Variants in DNAAF5 observed in about 807,000 individuals in gnomAD.
DNAAF5 encodes the protein dynein axonemal assembly factor 5, also known as HEAT repeat containing 2.
A neutral mutation model predicts 75.8 loss-of-function variants in DNAAF5; 64 were observed. That is an observed-to-expected ratio of 0.84 (90% CI 0.69 to 1.04). DNAAF5 has a LOEUF of 1.04. Among genes scored for constraint, DNAAF5 ranks in the 50% least tolerant of loss-of-function variants. DNAAF5 has a pLI of 0.00. For missense variants in DNAAF5, 1,269 were observed against 1,178.5 expected, an observed-to-expected ratio of 1.08 and a Z score of -1.12; for synonymous variants, 657 against 557.2, an observed-to-expected ratio of 1.18 and a Z score of -2.52.
chr7:740,952 G>A lies in DNAAF5; in HGVS notation c.905+9G>A. 6.2e-7 allele frequency: 1 copy of A among 1,611,588 alleles called. No individual in the cohort carries two copies. The highest frequency in any genetic ancestry group is 1.1e-5 in the South Asian group (1 of 91,064). On this transcript the variant is annotated intron_variant, in intron 3 of 12. Coordinates refer to ENST00000297440, the MANE Select transcript of DNAAF5 (RefSeq NM_017802.4). ...GAGGTGCCTGAGGTCAGGTACGTGG[G>A]CAGGCGGCCGCGGGCCTTGTCTTCC... is the stretch of plus-strand genomic sequence containing the variant.
chr7:775,373 C>G lies in DNAAF5; in HGVS notation c.2239+211C>G, dbSNP rs73258290. On this transcript the variant is annotated intron_variant, in intron 11 of 12. Transcript: ENST00000297440. ...CAGCCTGGGCAACATAGCCATACCCCGATCTCAACAAAAAATTTAAAAATT... is the reference window on the plus strand; with the variant it reads ...CAGCCTGGGCAACATAGCCATACCCGGATCTCAACAAAAAATTTAAAAATT... 1.4e-3 allele frequency among the ~76,000 whole-genome samples: 208 copies of G among 151,966 alleles called. 1 individual carries two copies. Among genetic ancestry groups the G allele is most frequent in the African/African-American group, 4.6e-3 (189 of 41,420 alleles).
At chr7:736,727 TTAC>T (rs1237278727) in intron 2 of DNAAF5, among the ~76,000 whole-genome samples, 1 of 152,198 alleles carries the variant, frequency 6.6e-6, no homozygotes, top group Non-Finnish European at 1.5e-5. Context: ...AAGTAAGGAC[TTAC>T]TCCTGCCGTT....
intron 8 of DNAAF5, among the ~76,000 whole-genome samples, chr7:767,329 G>A (rs926789256): frequency 6.6e-6 from 1 of 152,094 alleles, no homozygotes; most frequent in African/African-American, 2.4e-5. Context: ...TGAGCTGGGA[G>A]TGCCAAGGTG....
At chr7:759,790 C>G (rs1468831647) in intron 6 of DNAAF5, among the ~76,000 whole-genome samples, 1 of 152,100 alleles carries the variant, frequency 6.6e-6, no homozygotes, top group Non-Finnish European at 1.5e-5. Flanking sequence ...CCTGTTTGTT[C>G]CTGTGCTTGG....
At chr7:743,908 A>T (rs1318871621) in intron 4 of DNAAF5, among the ~76,000 whole-genome samples, 1 of 148,932 alleles carries the variant, frequency 6.7e-6, no homozygotes, top group African/African-American at 2.5e-5. Flanking sequence ...TTCTTTTTTT[A>T]TTTTTTTATT....
At chr7:734,280 C>T (rs901530704) in intron 2 of DNAAF5, among the ~76,000 whole-genome samples, 19 of 152,192 alleles carry the variant, frequency 1.2e-4, no homozygotes, top group African/African-American at 4.3e-4. Flanking sequence ...CCTTCTATAC[C>T]CAGTTTTTTG....
At chr7:767,987 G>A (rs1363644087) in intron 8 of DNAAF5, among the ~76,000 whole-genome samples, 1 of 151,302 alleles carries the variant, frequency 6.6e-6, no homozygotes, top group Non-Finnish European at 1.5e-5. Flanking sequence ...TGCTTGGAAG[G>A]TAGACACGTG....
intron 12 of DNAAF5, among the ~76,000 whole-genome samples, chr7:783,244 C>T (rs541291965): frequency 1.3e-5 from 2 of 152,378 alleles, no homozygotes; most frequent in East Asian, 1.9e-4. Flanking sequence ...TGCTGCACGA[C>T]CCTGGTCCTC....
intron 6 of DNAAF5, among the ~76,000 whole-genome samples, chr7:758,375 T>G (rs550589229): frequency 6.6e-6 from 1 of 152,352 alleles, no homozygotes; most frequent in African/African-American, 2.4e-5. Context: ...CCCACAGTTG[T>G]GCATTTGGCT....
chr7:745,289 C>G (rs1013178542), intron 4 of DNAAF5, among the ~76,000 whole-genome samples: 1 of 152,242 alleles, frequency 6.6e-6, no homozygotes, highest in Admixed American at 6.5e-5. Flanking sequence ...ATGGCAGTCC[C>G]CAAGACCCAG....
intron 11 of DNAAF5, among the ~76,000 whole-genome samples, 183 bp downstream of exon 11, chr7:775,345 G>C (rs985981730): frequency 2.0e-5 from 3 of 152,074 alleles, no homozygotes; most frequent in African/African-American, 7.2e-5. Flanking sequence ...AGGAATTTGA[G>C]ACCAGCCTGG....
In DNAAF5 at chr7:761,856, C is replaced by A; in HGVS notation, c.1574C>A (p.Thr525Lys). Residue 525 changes from threonine to lysine, a missense_variant, in exon 7 of 13, where the codon ACA becomes AAA. Physicochemically the swap from Thr to Lys is moderately conservative, Grantham distance 78. Transcript: ENST00000297440. Reference sequence around the variant, plus strand: ...CTGCAGCTCTTGGACGTGCTGCTGACAATAGTGGCCCTCGCAGGTGCTACC... The same window carrying A: ...CTGCAGCTCTTGGACGTGCTGCTGAAAATAGTGGCCCTCGCAGGTGCTACC... ...ASLQLLDVLLTIVALAGATGL... is the reference protein window; with the variant it reads ...ASLQLLDVLLKIVALAGATGL... The A allele has an allele frequency of 6.3e-7, 1 of 1,592,452 alleles. No individual in the cohort carries two copies. The highest frequency in any genetic ancestry group is 8.5e-7 in the Non-Finnish European group (1 of 1,169,846).
chr7:769,212 C>CA (rs1369500477), intron 8 of DNAAF5: 1 of 770,930 alleles, frequency 1.3e-6, no homozygotes, highest in East Asian at 2.4e-5. Flanking sequence ...CAAGGTGACT[C>CA]ACAGTTGCTT....
intron 8 of DNAAF5, among the ~76,000 whole-genome samples, chr7:766,296 A>G (rs1040872009): frequency 1.2e-4 from 19 of 152,050 alleles, no homozygotes; most frequent in African/African-American, 3.4e-4. Flanking sequence ...ATTTTTTTCT[A>G]TGTTTTTCTA....
At chr7:781,128 T>TA (rs1778926325) in intron 12 of DNAAF5, among the ~76,000 whole-genome samples, 1 of 152,228 alleles carries the variant, frequency 6.6e-6, no homozygotes, top group South Asian at 2.1e-4. Flanking sequence ...TACTAAATCT[T>TA]ACTCATTCTG....
At position 741,377 on chromosome 7, in the gene DNAAF5, T is replaced by C; in HGVS notation, c.936T>C (p.Val312=). ...TGGCTGCCAGCCTCTGGGAGGACGT[T>C]GGCCTGCAGTGGCAGAAGGAGAATG... ...RQLAASLWED[V]GLQWQKENEE... Residue 312 remains valine (V), a synonymous_variant, in exon 4 of 13, where the codon GTT becomes GTC. Coordinates refer to ENST00000297440, the MANE Select transcript of DNAAF5 (RefSeq NM_017802.4). 1.3e-6 allele frequency: 2 copies of C among 1,585,608 alleles called. No individual in the cohort carries two copies. Among genetic ancestry groups the C allele is most frequent in the Non-Finnish European group, 1.7e-6 (2 of 1,166,880 alleles).
At position 782,887 on chromosome 7, in the gene DNAAF5, C is replaced by T. The variant is rs564879775; in HGVS notation, c.2432-2630C>T. On this transcript the variant is annotated intron_variant, in intron 12 of 12. Coordinates refer to ENST00000297440, the MANE Select transcript of DNAAF5 (RefSeq NM_017802.4). ...GGCGTGGCCGCGTCCCCTCACACAA[C>T]GTCAGAAACTCGATCTTCCTGGCGT... is the stretch of plus-strand genomic sequence containing the variant. Among the ~76,000 whole-genome samples the T allele has an allele frequency of 2.1e-3, 316 of 152,194 alleles. 3 individuals are homozygous for T. The highest frequency in any genetic ancestry group is 3.8e-3 in the Non-Finnish European group (258 of 68,006).
chr7:768,835 C>T, intron 8 of DNAAF5: 1 of 329,576 alleles, frequency 3.0e-6, no homozygotes, highest in Non-Finnish European at 5.6e-6. Context: ...TGTTTTTAAG[C>T]CAGAAACACT....
chr7:760,431 C>T (rs1261520058), intron 6 of DNAAF5, among the ~76,000 whole-genome samples: 6 of 152,144 alleles, frequency 3.9e-5, no homozygotes, highest in Admixed American at 3.9e-4. Flanking sequence ...TGGCCACGGT[C>T]CTGACTCACT....
Sources: allele counts gnomAD v4.1 joint callset (sites outside exome capture counted in the v4.1 genomes callset), GRCh38; gene constraint gnomAD v4.1.1; transcripts MANE v1.5; gene names NCBI Gene and HGNC (gene_info 2026-07-23, HGNC 2026-07-21).